The following HACD3 variants were observed in gnomAD, a reference collection of about 807,000 sequenced individuals.
The protein encoded by HACD3 is very-long-chain (3R)-3-hydroxyacyl-CoA dehydratase 3.
Under a neutral mutation model 55.2 loss-of-function variants are expected in HACD3, and 30 were observed. The ratio of observed to expected loss-of-function variants is 0.54; its 90% confidence interval spans 0.41 to 0.74. The LOEUF (loss-of-function observed/expected upper bound fraction) is 0.74, where lower values mean the gene tolerates loss of function less well. HACD3 is among the 30% of genes least tolerant of loss of function. The pLI is 0.00. For synonymous variants in HACD3, 141 were observed against 151.7 expected (o/e 0.93, Z 0.52); for missense variants, 363 against 440.1 (o/e 0.82, Z 1.57).
At chr15:65,576,120 G>A (rs1250138824) in intron 10 of HACD3, among the ~76,000 whole-genome samples, 183 bp from the exon 11 acceptor site, 1 of 152,054 alleles carries the variant, frequency 6.6e-6, no homozygotes, top group African/African-American at 2.4e-5. Flanking sequence ...AACCCACTGG[G>A]GAAAAATTGC....
intron 1 of HACD3, chr15:65,535,827 G>T (rs2071949207): frequency 1.6e-6 from 1 of 617,566 alleles, no homozygotes; most frequent in South Asian, 1.8e-5. Flanking sequence ...TACCAAGTAG[G>T]ACTACAGGTA....
chr15:65,571,209 A>G (rs980676257), intron 8 of HACD3, among the ~76,000 whole-genome samples: 2 of 152,192 alleles, frequency 1.3e-5, no homozygotes, highest in African/African-American at 4.8e-5. Context: ...GTAACAACTC[A>G]CTTATCCAGA....
intron 1 of HACD3, among the ~76,000 whole-genome samples, chr15:65,543,556 G>T (rs528011855): frequency 6.6e-6 from 1 of 152,276 alleles, no homozygotes; most frequent in East Asian, 1.9e-4. Flanking sequence ...CCTTGTAAGA[G>T]CTTGAATTGG....
chr15:65,534,127 C>T (rs962587956), intron 1 of HACD3, among the ~76,000 whole-genome samples: 3 of 152,172 alleles, frequency 2.0e-5, no homozygotes, highest in Middle Eastern at 3.4e-3. Context: ...CAGTAAAAAT[C>T]GTTTATGGAG....
rs1432568520 is a variant in HACD3, at chr15:65,578,045, C to T, written c.*1666C>T. 1 of 152,346 alleles carries T rather than the reference C, an allele frequency of 6.6e-6. No individual in the cohort carries two copies. Among genetic ancestry groups the T allele is most frequent in the Non-Finnish European group, 1.5e-5 (1 of 68,050 alleles). The allele number at this position is 152,346 out of a possible 1,614,324, so 9.4% of individuals were successfully genotyped here. A position where few individuals can be genotyped will look rare whatever the true frequency, so the allele number is the denominator to read the frequency against. On this transcript the variant is annotated 3_prime_UTR_variant, in exon 11 of 11. Transcript: ENST00000261875. ...GACTCAATGAGTTAATACTATTTCA[C>T]TGAGCCCAAGATGGAAACTTGGTTT...
intron 1 of HACD3, among the ~76,000 whole-genome samples, chr15:65,541,259 T>A (rs896287627): frequency 2.0e-5 from 3 of 152,206 alleles, no homozygotes; most frequent in Non-Finnish European, 4.4e-5. Flanking sequence ...ACCACTATTT[T>A]ATTTTTTTCC....
chr15:65,569,572 A>C (rs2072328411), intron 7 of HACD3, among the ~76,000 whole-genome samples: 1 of 152,130 alleles, frequency 6.6e-6, no homozygotes, highest in Admixed American at 6.5e-5. Context: ...CCAGTGTGGT[A>C]GTACACACAC....
chr15:65,534,851 A>G (rs2071939478), intron 1 of HACD3, among the ~76,000 whole-genome samples: 2 of 152,238 alleles, frequency 1.3e-5, no homozygotes, highest in African/African-American at 4.8e-5. Flanking sequence ...AGTGCTTTGC[A>G]AATTCTAGTG....
At chr15:65,554,513 T>C (rs1204570521) in intron 2 of HACD3, among the ~76,000 whole-genome samples, 2 of 152,160 alleles carry the variant, frequency 1.3e-5, no homozygotes, top group African/African-American at 2.4e-5. Context: ...CAGTGGCTCA[T>C]GTCTGTAATC....
rs2072257159 is a variant in HACD3 at position 65,562,837 on chromosome 15, C to T, written c.485C>T (p.Ser162Phe). The T allele has an allele frequency of 1.9e-6, 3 of 1,613,892 alleles. No homozygotes were observed. Among genetic ancestry groups the T allele is most frequent in the South Asian group, 1.1e-5 (1 of 91,056 alleles). ...MYNLVQFLGF[S>F]WIFVNLTVRF... ...AATCTTGTGCAATTCTTGGGATTCTCCTGGATCTTTGTCAACCTGACTGTG... is the reference window on the plus strand; with the variant it reads ...AATCTTGTGCAATTCTTGGGATTCTTCTGGATCTTTGTCAACCTGACTGTG... Residue 162 changes from serine (S) to phenylalanine (F), a missense_variant, in exon 6 of 11, where the codon TCC (serine) becomes TTC (phenylalanine). Ser to Phe is a radical substitution (Grantham distance 155, BLOSUM62 -2). Transcript: ENST00000261875.
rs772887184 is a variant in HACD3, at chr15:65,576,321, G to A, written c.1031G>A (p.Arg344His). ...MIFLGLYINF[R>H]HLYKQRRRRY... ...TTTTCAGGTTTATACATAAATTTTC[G>A]TCACCTTTATAAACAGCGCAGACGG... The change falls in exon 11 of 11, where the codon CGT (arginine) becomes CAT (histidine). Residue 344 changes from arginine (R) to histidine (H), a missense_variant. Physicochemically the swap from Arg to His is conservative, Grantham distance 29. Coordinates refer to ENST00000261875, the MANE Select transcript of HACD3 (RefSeq NM_016395.4). The A allele has an allele frequency of 1.3e-5, 21 of 1,597,890 alleles. No individual in the cohort carries two copies. Among genetic ancestry groups the A allele is most frequent in the South Asian group, 2.3e-5 (2 of 88,330 alleles).
At position 65,568,202 on chromosome 15, in the gene HACD3, G is replaced by A. The variant is rs186600531; in HGVS notation, c.661-1889G>A. Reference sequence around the variant, plus strand: ...CTTCCAAAGTGCTGGGATTACAGACGTGAGCCACCGTGCCCGGCAATGGGT... The same window carrying A: ...CTTCCAAAGTGCTGGGATTACAGACATGAGCCACCGTGCCCGGCAATGGGT... On this transcript the variant is annotated intron_variant, in intron 7 of 10. Transcript: ENST00000261875. Among the ~76,000 whole-genome samples the A allele has an allele frequency of 5.3e-5, 8 of 150,858 alleles. No individual in the cohort carries two copies. The East Asian group carries it at 1.2e-3, about 22-fold the overall frequency.
chr15:65,551,793 A>G, intron 2 of HACD3, 75 bp downstream of exon 2: 1 of 1,545,538 alleles, frequency 6.5e-7, no homozygotes, highest in Non-Finnish European at 8.9e-7. Context: ...TTTTTTAAAA[A>G]AATGTATTTG....
At chr15:65,572,603 A>G (rs1387549376) in intron 10 of HACD3, among the ~76,000 whole-genome samples, 2 of 152,208 alleles carry the variant, frequency 1.3e-5, no homozygotes, top group African/African-American at 2.4e-5. Context: ...GGAATATACC[A>G]TAAGATATTT....
intron 7 of HACD3, among the ~76,000 whole-genome samples, chr15:65,569,090 T>C (rs939252188): frequency 2.4e-4 from 37 of 151,106 alleles, no homozygotes; most frequent in African/African-American, 8.8e-4. Context: ...TACTAAAAAA[T>C]AGAAAAAATT....
chr15:65,562,952 G>A, intron 6 of HACD3, 68 bp downstream of exon 6: 2 of 1,579,780 alleles, frequency 1.3e-6, no homozygotes, highest in South Asian at 1.2e-5. Context: ...ACCAAAGGGA[G>A]CACTCTCTGC....
chr15:65,550,798 A>C (rs1352835794), intron 1 of HACD3: 1 of 152,290 alleles, frequency 6.6e-6, no homozygotes, highest in Non-Finnish European at 1.5e-5. Flanking sequence ...CTAAGCCCAC[A>C]GAAGAAAAAC....
intron 7 of HACD3, chr15:65,565,379 C>T (rs2072281209): frequency 6.6e-6 from 1 of 152,296 alleles, no homozygotes; most frequent in Admixed American, 6.5e-5. Context: ...TTCCTCACTG[C>T]CCTAGCAGAG....
At chr15:65,553,529 T>G (rs957248186) in intron 2 of HACD3, among the ~76,000 whole-genome samples, 5 of 152,220 alleles carry the variant, frequency 3.3e-5, no homozygotes, top group African/African-American at 4.8e-5. Flanking sequence ...GAGTTTCTGC[T>G]TTATGTGAAA....
Sources: allele counts gnomAD v4.1 joint callset (sites outside exome capture counted in the v4.1 genomes callset), GRCh38; gene constraint gnomAD v4.1.1; transcripts MANE v1.5; gene names NCBI Gene and HGNC (gene_info 2026-07-23, HGNC 2026-07-21).